Variants in ATP2B1 observed in about 807,000 individuals in gnomAD.
ATP2B1 encodes ATPase plasma membrane Ca2+ transporting 1.
A neutral mutation model predicts 124.2 loss-of-function variants in ATP2B1; 14 were observed. The observed-to-expected ratio is 0.11, with a 90% confidence interval of 0.07 to 0.18. ATP2B1 has a LOEUF of 0.18. Among genes scored for constraint, ATP2B1 ranks in the 10% least tolerant of loss-of-function variants. ATP2B1 has a pLI of 1.00. For synonymous variants in ATP2B1, 449 were observed against 492.4 expected (o/e 0.91, Z 1.17); for missense variants, 763 against 1,466.1 (o/e 0.52, Z 7.83).
chr12:89,632,004 T>G (rs1270779685), intron 5 of ATP2B1, among the ~76,000 whole-genome samples: 5 of 152,140 alleles, frequency 3.3e-5, no homozygotes, highest in African/African-American at 1.2e-4. Context: ...GAGTATATTC[T>G]TCTTCAGTTA....
chr12:89,622,663 T>C (rs1880190496), intron 9 of ATP2B1, among the ~76,000 whole-genome samples: 1 of 152,152 alleles, frequency 6.6e-6, no homozygotes, highest in Non-Finnish European at 1.5e-5. Context: ...ATTTCCTAAA[T>C]TACTTGTGAT....
chr12:89,628,197 G>C (rs1881218144), intron 6 of ATP2B1, among the ~76,000 whole-genome samples: 1 of 152,008 alleles, frequency 6.6e-6, no homozygotes, highest in Admixed American at 6.6e-5. Flanking sequence ...GAGGTCGGGA[G>C]TTCAAGACCA....
chr12:89,628,462 T>G (rs1330312912), intron 6 of ATP2B1, among the ~76,000 whole-genome samples: 1 of 143,764 alleles, frequency 7.0e-6, no homozygotes, highest in Non-Finnish European at 1.5e-5. Flanking sequence ...AGAGTGTTGA[T>G]GAGAGTGAGG....
chr12:89,627,898 G>A (rs1016797170), intron 6 of ATP2B1, among the ~76,000 whole-genome samples, 182 bp from the exon 7 acceptor site: 6 of 152,098 alleles, frequency 3.9e-5, no homozygotes, highest in African/African-American at 7.2e-5. Flanking sequence ...TCTTACCTAC[G>A]GGAGAATACC....
intron 13 of ATP2B1, 34 bp downstream of exon 13, chr12:89,611,159 G>T: frequency 6.5e-7 from 1 of 1,537,192 alleles, no homozygotes; most frequent in East Asian, 2.3e-5. Flanking sequence ...TTAAACATCT[G>T]TCAACCAAAA....
intron 2 of ATP2B1, among the ~76,000 whole-genome samples, chr12:89,652,518 C>G (rs1257551284): frequency 6.6e-6 from 1 of 152,216 alleles, no homozygotes; most frequent in South Asian, 2.1e-4. Context: ...TTCTCACTTT[C>G]CCTGACTATA....
At chr12:89,625,711 T>TC (rs910216352) in intron 8 of ATP2B1, among the ~76,000 whole-genome samples, 2 of 152,040 alleles carry the variant, frequency 1.3e-5, no homozygotes, top group African/African-American at 4.8e-5. Context: ...ATCCACCTTT[T>TC]CCCCCAACAC....
chr12:89,692,816 T>C (rs143273398), intron 1 of ATP2B1, among the ~76,000 whole-genome samples: 1 of 152,224 alleles, frequency 6.6e-6, no homozygotes, highest in African/African-American at 2.4e-5. Flanking sequence ...TGTATGGAAT[T>C]ACTTATTTCA....
chr12:89,652,723 T>G (rs1201066002), intron 2 of ATP2B1, among the ~76,000 whole-genome samples: 1 of 151,466 alleles, frequency 6.6e-6, no homozygotes, highest in African/African-American at 2.4e-5. Context: ...ATAACATTCT[T>G]GTGAAGGCTG....
intron 5 of ATP2B1, 73 bp downstream of exon 5, chr12:89,634,705 A>T: frequency 7.1e-7 from 1 of 1,407,994 alleles, no homozygotes; most frequent in Non-Finnish European, 9.6e-7. Flanking sequence ...ACTCTTAGGA[A>T]AATGGTGTTT....
chr12:89,671,788 T>TTTTTTA (rs55679415), intron 1 of ATP2B1, among the ~76,000 whole-genome samples: 1 of 150,816 alleles, frequency 6.6e-6, no homozygotes. Context: ...TTTTTTTTTT[T>TTTTTTA]ACTGTAAATT....
At chr12:89,643,650 A>G (rs1303783059) in intron 2 of ATP2B1, among the ~76,000 whole-genome samples, 2 of 152,232 alleles carry the variant, frequency 1.3e-5, no homozygotes, top group African/African-American at 4.8e-5. Context: ...CCTTCACCCT[A>G]CCAAGTAAGT....
chr12:89,697,241 T>C (rs944021218), intron 1 of ATP2B1, among the ~76,000 whole-genome samples: 8 of 152,220 alleles, frequency 5.3e-5, no homozygotes, highest in Non-Finnish European at 5.9e-5. Flanking sequence ...AATGTCTTTA[T>C]ATGTCTTTAT....
Position 89,624,296 on chromosome 12 carries a change from T to C in ATP2B1, c.1231A>G (p.Ile411Val), listed in dbSNP as rs1473265950. 3.8e-5 allele frequency: 61 copies of C among 1,614,068 alleles called. No homozygotes were observed. Among genetic ancestry groups the C allele is most frequent in the Non-Finnish European group, 4.8e-5 (57 of 1,180,032 alleles). ...AACTTCACAAAGTATTGTATATAAA[T>C]TGGTGTGCACTCAGCAAGCCATGGT... is the stretch of plus-strand genomic sequence containing the variant. ...KRPWLAECTP[I>V]YIQYFVKFFI... The change falls in exon 9 of 21, where the codon ATT (isoleucine) becomes GTT (valine). Residue 411 changes from isoleucine (I) to valine (V), a missense_variant. Coordinates refer to ENST00000428670, the MANE Select transcript of ATP2B1 (RefSeq NM_001366521.1).
chr12:89,685,906 T>A (rs1170701575), intron 1 of ATP2B1, among the ~76,000 whole-genome samples: 1 of 152,006 alleles, frequency 6.6e-6, no homozygotes, highest in Non-Finnish European at 1.5e-5. Flanking sequence ...AAGAAGGCCA[T>A]CAGCAAGCCA....
intron 2 of ATP2B1, among the ~76,000 whole-genome samples, chr12:89,650,882 T>A (rs1227448203): frequency 6.6e-6 from 1 of 151,976 alleles, no homozygotes; most frequent in Non-Finnish European, 1.5e-5. Flanking sequence ...AATAAGAAAG[T>A]CAATGCAGGA....
chr12:89,625,850 T>G (rs893243279), intron 8 of ATP2B1, among the ~76,000 whole-genome samples: 1 of 152,154 alleles, frequency 6.6e-6, no homozygotes, highest in Non-Finnish European at 1.5e-5. Flanking sequence ...AGCAGTAAAA[T>G]GATGCAATTT....
At chr12:89,597,464 TC>T (rs1393866806) in intron 20 of ATP2B1, among the ~76,000 whole-genome samples, 2 of 152,170 alleles carry the variant, frequency 1.3e-5, no homozygotes, top group Non-Finnish European at 2.9e-5. Context: ...CAGGGACAGT[TC>T]TTACTGTGCC....
At chr12:89,688,330 T>TA (rs1890182546) in intron 1 of ATP2B1, among the ~76,000 whole-genome samples, 1 of 152,122 alleles carries the variant, frequency 6.6e-6, no homozygotes, top group South Asian at 2.1e-4. Flanking sequence ...ACTGCACAAA[T>TA]GTTTTAGGTT....
Sources: gnomAD v4.1 joint callset for allele counts (sites outside exome capture counted in the v4.1 genomes callset) on GRCh38, gnomAD v4.1.1 for gene constraint, MANE v1.5 for transcripts, NCBI Gene and HGNC (gene_info 2026-07-23, HGNC 2026-07-21) for gene names.